Variants in CNTNAP5 observed in about 807,000 individuals in gnomAD.
CNTNAP5 encodes the protein contactin-associated protein-like 5.
CNTNAP5 carries 72 observed loss-of-function variants against 150.2 expected under a neutral mutation model. The observed-to-expected ratio is 0.48, with a 90% confidence interval of 0.40 to 0.58. The LOEUF (loss-of-function observed/expected upper bound fraction) is 0.58. Ranked by LOEUF, CNTNAP5 falls within the 20% of genes least tolerant of loss-of-function variation. The pLI is 0.00. For missense variants in CNTNAP5, 1,636 were observed against 1,626.2 expected (o/e 1.01, Z -0.10); for synonymous variants, 672 against 619.8 (o/e 1.08, Z -1.25).
chr2:124,049,025 G>C (rs1681619450), intron 1 of CNTNAP5, among the ~76,000 whole-genome samples: 1 of 152,162 alleles, frequency 6.6e-6, no homozygotes, highest in African/African-American at 2.4e-5. Flanking sequence ...CTAAAACTGG[G>C]ATAGTATAGT....
intron 8 of CNTNAP5, among the ~76,000 whole-genome samples, chr2:124,513,939 C>T (rs551534237): frequency 6.6e-6 from 1 of 152,332 alleles, no homozygotes; most frequent in South Asian, 2.1e-4. Context: ...ACCATCTGCA[C>T]ATCAAGTAAA....
intron 13 of CNTNAP5, among the ~76,000 whole-genome samples, chr2:124,686,655 A>G (rs758907350): frequency 4.6e-5 from 7 of 152,144 alleles, no homozygotes; most frequent in Non-Finnish European, 8.8e-5. Flanking sequence ...GGAAGCTCCA[A>G]GAAAAACTAG....
At chr2:124,599,022 C>CA (rs1696910956) in intron 11 of CNTNAP5, among the ~76,000 whole-genome samples, 2 of 152,076 alleles carry the variant, frequency 1.3e-5, no homozygotes, top group African/African-American at 4.8e-5. Context: ...TGCGCACACC[C>CA]ACTGGCCTGC....
At chr2:124,765,464 A>G (rs1354861065) in intron 16 of CNTNAP5, among the ~76,000 whole-genome samples, 2 of 85,892 alleles carry the variant, frequency 2.3e-5, no homozygotes, top group African/African-American at 4.5e-5. Context: ...TCTTATTCTT[A>G]AAAATAAACA....
chr2:124,478,626 T>C (rs1435943165), intron 7 of CNTNAP5, among the ~76,000 whole-genome samples: 1 of 152,156 alleles, frequency 6.6e-6, no homozygotes, highest in Non-Finnish European at 1.5e-5. Context: ...GTACAAACTC[T>C]TTCCTTTCTG....
At chr2:124,677,968 C>T (rs1462155052) in intron 13 of CNTNAP5, among the ~76,000 whole-genome samples, 2 of 151,904 alleles carry the variant, frequency 1.3e-5, no homozygotes, top group Non-Finnish European at 2.9e-5. Context: ...AAAAACACCC[C>T]CAAGAATTCT....
At chr2:124,686,347 T>C (rs1238087291) in intron 13 of CNTNAP5, among the ~76,000 whole-genome samples, 1 of 152,072 alleles carries the variant, frequency 6.6e-6, no homozygotes, top group Non-Finnish European at 1.5e-5. Context: ...ACATGACACT[T>C]ATTTGAACAG....
At chr2:124,293,031 TTA>T (rs1374589843) in intron 3 of CNTNAP5, among the ~76,000 whole-genome samples, 1 of 152,092 alleles carries the variant, frequency 6.6e-6, no homozygotes, top group Non-Finnish European at 1.5e-5. Context: ...AGAATAATTG[TTA>T]TTTTAGTTTT....
At chr2:124,535,560 G>A (rs906760875) in intron 10 of CNTNAP5, among the ~76,000 whole-genome samples, 1 of 146,738 alleles carries the variant, frequency 6.8e-6, no homozygotes. Context: ...TCAGGACATC[G>A]AGACCATCCT....
At chr2:124,599,454 TTC>T in intron 11 of CNTNAP5, among the ~76,000 whole-genome samples, 1 of 152,302 alleles carries the variant, frequency 6.6e-6, no homozygotes, top group East Asian at 1.9e-4. Flanking sequence ...CGTTATTTAG[TTC>T]TGTTTGCTGA....
chr2:124,235,773 G>A (rs949605040), intron 2 of CNTNAP5, among the ~76,000 whole-genome samples: 4 of 152,036 alleles, frequency 2.6e-5, no homozygotes, highest in East Asian at 1.9e-4. Flanking sequence ...TATAATAACC[G>A]GGTCTGATTA....
Position 124,332,209 on chromosome 2 carries a change from C to G in CNTNAP5, c.382-85234C>G, listed in dbSNP as rs1444243729. Among the ~76,000 whole-genome samples the G allele has an allele frequency of 2.0e-5, 3 of 151,460 alleles. No individual in the cohort carries two copies. In the East Asian group the frequency reaches 5.8e-4, roughly 29 times the overall value. On this transcript the variant is annotated intron_variant, in intron 3 of 23. Coordinates refer to ENST00000682447, the MANE Select transcript of CNTNAP5 (RefSeq NM_001367498.1). ...TTTTTAAAGAACCTTTTAAAAACCT[C>G]TACATTGGACAAAAATTACTTTTTC...
chr2:124,271,060 G>A (rs1459100010), intron 3 of CNTNAP5, among the ~76,000 whole-genome samples: 2 of 151,964 alleles, frequency 1.3e-5, no homozygotes, highest in East Asian at 1.9e-4. Flanking sequence ...CCCTGTCCCT[G>A]TGGTCGTGAG....
intron 7 of CNTNAP5, among the ~76,000 whole-genome samples, chr2:124,476,237 A>C (rs1420731821): frequency 6.6e-6 from 1 of 152,174 alleles, no homozygotes; most frequent in Non-Finnish European, 1.5e-5. Context: ...GAACCATTTC[A>C]AGTGGTATTA....
intron 4 of CNTNAP5, among the ~76,000 whole-genome samples, chr2:124,425,319 T>G (rs144268504): frequency 2.6e-5 from 4 of 152,338 alleles, no homozygotes; most frequent in African/African-American, 7.2e-5. Flanking sequence ...TCGTCTCTAA[T>G]TTTGACATTG....
At chr2:124,609,028 C>T (rs562604119) in intron 11 of CNTNAP5, among the ~76,000 whole-genome samples, 10 of 151,980 alleles carry the variant, frequency 6.6e-5, no homozygotes, top group Admixed American at 6.6e-5. Flanking sequence ...ATGAGTCAAA[C>T]ATTGGCTCAG....
At chr2:124,702,082 T>G (rs1340767235) in intron 13 of CNTNAP5, among the ~76,000 whole-genome samples, 1 of 152,032 alleles carries the variant, frequency 6.6e-6, no homozygotes, top group Non-Finnish European at 1.5e-5. Context: ...TTTCTGAGTA[T>G]TTCTGGTGCA....
Position 124,524,287 on chromosome 2 carries a change from C to G in CNTNAP5, c.1328-16C>G. On this transcript the variant is annotated splice_polypyrimidine_tract_variant and intron_variant, in intron 8 of 23. Coordinates refer to ENST00000682447, the MANE Select transcript of CNTNAP5 (RefSeq NM_001367498.1). Reference sequence around the variant, plus strand: ...GACCCATCATCTCTATGCTTACTCTCTTGTTTCTCTTGCAGGCAGCAACTT... The same window carrying G: ...GACCCATCATCTCTATGCTTACTCTGTTGTTTCTCTTGCAGGCAGCAACTT... 6.2e-7 allele frequency: 1 copy of G among 1,613,522 alleles called. No individual in the cohort carries two copies. Among genetic ancestry groups the G allele is most frequent in the Non-Finnish European group, 8.5e-7 (1 of 1,179,646 alleles).
At chr2:124,716,090 G>T (rs562678819) in intron 13 of CNTNAP5, among the ~76,000 whole-genome samples, 1 of 152,156 alleles carries the variant, frequency 6.6e-6, no homozygotes, top group African/African-American at 2.4e-5. Context: ...ACTTTTTAAA[G>T]CCTGGATTGC....
Sources: allele counts gnomAD v4.1 joint callset (sites outside exome capture counted in the v4.1 genomes callset), GRCh38; gene constraint gnomAD v4.1.1; transcripts MANE v1.5; gene names NCBI Gene and HGNC (gene_info 2026-07-23, HGNC 2026-07-21).